GPHN: variants seen among roughly 807,000 people sequenced by gnomAD.
GPHN encodes gephyrin.
Under a neutral mutation model 95.5 loss-of-function variants are expected in GPHN, and 17 were observed. That is an observed-to-expected ratio of 0.18 (90% CI 0.12 to 0.27). The LOEUF (loss-of-function observed/expected upper bound fraction) is 0.27. GPHN is among the 10% of genes least tolerant of loss of function. The pLI is 1.00. For missense variants in GPHN, 660 were observed against 978.1 expected, an observed-to-expected ratio of 0.67 and a Z score of 4.34; for synonymous variants, 320 against 322.5, an observed-to-expected ratio of 0.99 and a Z score of 0.08.
At chr14:66,920,704 A>G (rs2066172521) in intron 6 of GPHN, among the ~76,000 whole-genome samples, 1 of 150,606 alleles carries the variant, frequency 6.6e-6, no homozygotes, top group African/African-American at 2.5e-5. Flanking sequence ...CGAGAGGTAT[A>G]CACTGCACCA....
chr14:67,440,825 T>C, the GPHN span, among the ~76,000 whole-genome samples: 1 of 151,854 alleles, frequency 6.6e-6, no homozygotes, highest in African/African-American at 2.4e-5. Flanking sequence ...CTTGACACAC[T>C]GAGCAAATGG....
intron 9 of GPHN, among the ~76,000 whole-genome samples, chr14:67,004,055 G>A (rs1362928964): frequency 6.6e-6 from 1 of 151,592 alleles, no homozygotes; most frequent in Non-Finnish European, 1.5e-5. Context: ...GGGATATTCT[G>A]GTGAAATTTC....
the GPHN span, chr14:67,650,273 T>G: frequency 2.7e-4 from 59 of 216,524 alleles, no homozygotes; most frequent in African/African-American, 1.2e-3. Flanking sequence ...AAAGTGGGAA[T>G]GCAGTTTGGC....
intron 8 of GPHN, among the ~76,000 whole-genome samples, chr14:66,929,857 G>A (rs1251446453): frequency 3.3e-5 from 5 of 151,940 alleles, no homozygotes; most frequent in Admixed American, 2.0e-4. Context: ...GATTACAGGC[G>A]CCCGCCACCA....
chr14:67,312,664 C>T, the GPHN span: 2 of 1,612,682 alleles, frequency 1.2e-6, no homozygotes, highest in Non-Finnish European at 1.7e-6. Context: ...GGCAGGCCTA[C>T]AGGGAAGGGG....
At chr14:67,442,812 C>T in the GPHN span, among the ~76,000 whole-genome samples, 2 of 152,206 alleles carry the variant, frequency 1.3e-5, no homozygotes, top group Non-Finnish European at 2.9e-5. Flanking sequence ...TGTGGAAGGA[C>T]GAACATGTGA....
At chr14:66,956,426 T>C (rs1375637505) in intron 8 of GPHN, among the ~76,000 whole-genome samples, 2 of 152,152 alleles carry the variant, frequency 1.3e-5, no homozygotes, top group Admixed American at 1.3e-4. Context: ...GGTCAAATGG[T>C]ATTTCCAGTT....
intron 1 of GPHN, among the ~76,000 whole-genome samples, chr14:66,663,819 A>G (rs970381417): frequency 3.7e-5 from 5 of 135,756 alleles, no homozygotes; most frequent in African/African-American, 1.4e-4. Context: ...AGAAAAAAGC[A>G]GGGGTTGCAA....
intron 8 of GPHN, among the ~76,000 whole-genome samples, chr14:66,960,729 A>T (rs1367299299): frequency 6.6e-6 from 1 of 152,132 alleles, no homozygotes; most frequent in African/African-American, 2.4e-5. Context: ...CTGCTGGTAT[A>T]GAGTCTCAAA....
chr14:66,620,408 A>G (rs1247928356), intron 1 of GPHN, among the ~76,000 whole-genome samples: 1 of 152,172 alleles, frequency 6.6e-6, no homozygotes, highest in East Asian at 1.9e-4. Flanking sequence ...CCTCACAATG[A>G]TGGCAGAAGG....
At chr14:67,199,713 C>T in the GPHN span, 1 of 1,583,350 alleles carries the variant, frequency 6.3e-7, no homozygotes, top group South Asian at 1.1e-5. Flanking sequence ...CCTCCTTCAC[C>T]CTCTGCCCCC....
At chr14:67,669,113 TA>T in the GPHN span, among the ~76,000 whole-genome samples, 1 of 152,178 alleles carries the variant, frequency 6.6e-6, no homozygotes, top group Admixed American at 6.5e-5. Context: ...TACTATGATT[TA>T]TCCCCATTTG....
chr14:67,720,347 G>A, the GPHN span, among the ~76,000 whole-genome samples: 1 of 152,016 alleles, frequency 6.6e-6, no homozygotes, highest in African/African-American at 2.4e-5. Flanking sequence ...ATCTTGCCTT[G>A]TGTATGATGG....
At chr14:67,407,492 G>A in the GPHN span, among the ~76,000 whole-genome samples, 1 of 151,738 alleles carries the variant, frequency 6.6e-6, no homozygotes, top group East Asian at 1.9e-4. Flanking sequence ...CGAGGCTGGA[G>A]TGCAGTGGCA....
At chr14:66,713,486 C>T (rs1355256726) in intron 2 of GPHN, among the ~76,000 whole-genome samples, 7 of 152,058 alleles carry the variant, frequency 4.6e-5, no homozygotes, top group African/African-American at 1.7e-4. Context: ...GTTGCATTGG[C>T]CCGTGTGCCT....
the GPHN span, chr14:67,387,524 C>T: frequency 1.3e-6 from 2 of 1,519,796 alleles, no homozygotes; most frequent in South Asian, 1.2e-5. Context: ...CTTGAACCAG[C>T]AGAAAGTCAA....
At chr14:67,722,236 A>G in the GPHN span, among the ~76,000 whole-genome samples, 2 of 152,166 alleles carry the variant, frequency 1.3e-5, no homozygotes, top group African/African-American at 4.8e-5. Context: ...TTTGTGGCTA[A>G]AGTTAGAAAT....
the GPHN span, chr14:67,656,686 G>A: frequency 7.6e-7 from 1 of 1,316,880 alleles, no homozygotes; most frequent in Non-Finnish European, 1.0e-6. Flanking sequence ...AAGGGATATA[G>A]TGAGCAATAA....
the GPHN span, among the ~76,000 whole-genome samples, chr14:67,679,864 T>G: frequency 2.0e-5 from 3 of 152,284 alleles, no homozygotes; most frequent in Non-Finnish European, 2.9e-5. Context: ...TTTAGTCATG[T>G]GAGGAAACAA....
Sources: allele counts gnomAD v4.1 joint callset (sites outside exome capture counted in the v4.1 genomes callset), GRCh38; gene constraint gnomAD v4.1.1; transcripts MANE v1.5; gene names NCBI Gene and HGNC (gene_info 2026-07-23, HGNC 2026-07-21).